The following ADK variants were observed in gnomAD, a reference collection of about 807,000 sequenced individuals.
ADK encodes adenosine kinase.
Under a neutral mutation model 44.7 loss-of-function variants are expected in ADK, and 24 were observed. That is an observed-to-expected ratio of 0.54 (90% CI 0.39 to 0.76). The LOEUF (loss-of-function observed/expected upper bound fraction) is 0.76. Ranked by LOEUF, ADK falls within the 30% of genes least tolerant of loss-of-function variation. The probability of loss-of-function intolerance (pLI) is 0.00; values close to 1 mark genes in which losing one functional copy is unlikely to be tolerated. For synonymous variants in ADK, 128 were observed against 142.6 expected (o/e 0.90, Z 0.73); for missense variants, 321 against 425.1 (o/e 0.76, Z 2.15).
At chr10:74,571,363 G>T (rs925855149) in intron 7 of ADK, among the ~76,000 whole-genome samples, 17 of 152,164 alleles carry the variant, frequency 1.1e-4, no homozygotes, top group African/African-American at 3.6e-4. Flanking sequence ...AGAAGGAATG[G>T]TACCAGCTCC....
At chr10:74,592,031 T>C (rs950751404) in intron 8 of ADK, among the ~76,000 whole-genome samples, 4 of 151,700 alleles carry the variant, frequency 2.6e-5, no homozygotes, top group African/African-American at 9.7e-5. Context: ...AAATTTTACT[T>C]TTGTAAAAAA....
At chr10:74,486,798 A>G (rs1046143017) in intron 6 of ADK, among the ~76,000 whole-genome samples, 28 of 152,202 alleles carry the variant, frequency 1.8e-4, no homozygotes, top group African/African-American at 6.8e-4. Flanking sequence ...AGAATTTGAC[A>G]TAACAAGTAT....
At chr10:74,371,618 C>CA in intron 4 of ADK, 5 of 1,024,486 alleles carry the variant, frequency 4.9e-6, no homozygotes, top group Non-Finnish European at 7.6e-6. Context: ...TAGGTGGTAC[C>CA]AATCTTGACT....
chr10:74,496,372 T>A (rs1312448547), intron 6 of ADK, among the ~76,000 whole-genome samples: 3 of 152,202 alleles, frequency 2.0e-5, no homozygotes, highest in Non-Finnish European at 2.9e-5. Flanking sequence ...GGTGGTTTCC[T>A]CCATGCTGTT....
rs376728806 is a variant in ADK at position 74,421,808 on chromosome 10, G to A, written c.555+23229G>A. ...ACATGAGCCAATGTGAAAGAACTCC[G>A]AGTGGCCGTAGCTGGAATAATTAGA... On this transcript the variant is annotated intron_variant, in intron 6 of 10. Coordinates refer to ENST00000539909, the MANE Select transcript of ADK (RefSeq NM_006721.4). 6.0e-4 allele frequency among the ~76,000 whole-genome samples: 91 copies of A among 152,272 alleles called. 1 individual carries two copies. The highest frequency in any genetic ancestry group is 5.7e-3 in the Admixed American group (88 of 15,306).
At chr10:74,671,134 G>A (rs1002828813) in intron 10 of ADK, among the ~76,000 whole-genome samples, 1 of 148,752 alleles carries the variant, frequency 6.7e-6, no homozygotes, top group African/African-American at 2.5e-5. Context: ...TTAAGTTTGT[G>A]TGATGGTTTT....
intron 3 of ADK, among the ~76,000 whole-genome samples, chr10:74,281,533 A>G (rs1056587782): frequency 1.3e-5 from 2 of 152,242 alleles, no homozygotes; most frequent in African/African-American, 4.8e-5. Flanking sequence ...TGACACAGGA[A>G]AAACAAGGAA....
chr10:74,412,925 G>A (rs1338385351), intron 6 of ADK, among the ~76,000 whole-genome samples: 2 of 152,100 alleles, frequency 1.3e-5, no homozygotes, highest in Non-Finnish European at 2.9e-5. Context: ...GGGCATGGTG[G>A]TGCACACCTG....
chr10:74,406,680 A>T (rs567913001), intron 6 of ADK, among the ~76,000 whole-genome samples: 1 of 150,358 alleles, frequency 6.7e-6, no homozygotes, highest in South Asian at 2.1e-4. Context: ...TTTCTTTTTT[A>T]TTTTTATTTT....
chr10:74,429,918 A>G (rs566126513), intron 6 of ADK, among the ~76,000 whole-genome samples: 5 of 152,336 alleles, frequency 3.3e-5, no homozygotes, highest in East Asian at 1.9e-4. Context: ...ATTATTAACA[A>G]TAGTAGCTAA....
chr10:74,206,097 C>T (rs1843586526), intron 2 of ADK, among the ~76,000 whole-genome samples: 1 of 152,096 alleles, frequency 6.6e-6, no homozygotes, highest in South Asian at 2.1e-4. Context: ...TCAACTAATT[C>T]ATGGTCACTA....
At chr10:74,598,347 A>T (rs1437992210) in intron 8 of ADK, among the ~76,000 whole-genome samples, 2 of 151,874 alleles carry the variant, frequency 1.3e-5, no homozygotes, top group African/African-American at 4.8e-5. Context: ...TTAATTTGAG[A>T]CATAAGAAAC....
intron 4 of ADK, among the ~76,000 whole-genome samples, chr10:74,335,193 T>A (rs2131857564): frequency 6.6e-6 from 1 of 152,326 alleles, no homozygotes; most frequent in Admixed American, 6.5e-5. Context: ...GCTGGCACTT[T>A]CTCCAATTTA....
chr10:74,605,570 A>C (rs1208355639), intron 9 of ADK, among the ~76,000 whole-genome samples: 3 of 152,326 alleles, frequency 2.0e-5, no homozygotes, highest in South Asian at 2.1e-4. Flanking sequence ...ATGTTGAACC[A>C]GCCTTGCATC....
At chr10:74,168,205 G>A (rs922126690) in intron 1 of ADK, among the ~76,000 whole-genome samples, 1 of 152,196 alleles carries the variant, frequency 6.6e-6, no homozygotes, top group Non-Finnish European at 1.5e-5. Context: ...TAGTAGAACA[G>A]ATGCTCGATA....
chr10:74,394,758 C>T (rs1843450662), intron 5 of ADK, among the ~76,000 whole-genome samples: 1 of 152,122 alleles, frequency 6.6e-6, no homozygotes, highest in Non-Finnish European at 1.5e-5. Context: ...ACATTACATT[C>T]AGGCTCGTAA....
intron 10 of ADK, among the ~76,000 whole-genome samples, chr10:74,671,591 A>G (rs955569541): frequency 6.6e-6 from 1 of 151,954 alleles, no homozygotes; most frequent in East Asian, 1.9e-4. Context: ...CAATTTTCCT[A>G]TTTTTTACTT....
chr10:74,617,284 A>C (rs1420647270), intron 9 of ADK, among the ~76,000 whole-genome samples: 2 of 152,174 alleles, frequency 1.3e-5, no homozygotes, highest in Non-Finnish European at 2.9e-5. Flanking sequence ...ATATTTTATC[A>C]AAAAGGATAA....
At chr10:74,177,947 T>TATATATATA (rs1564574369) in intron 1 of ADK, among the ~76,000 whole-genome samples, 10 of 60,352 alleles carry the variant, frequency 1.7e-4, no homozygotes, top group African/African-American at 5.9e-4. Context: ...ATATATATAT[T>TATATATATA]TTTTTTTTTT....
Sources: allele counts gnomAD v4.1 joint callset (sites outside exome capture counted in the v4.1 genomes callset), GRCh38; gene constraint gnomAD v4.1.1; transcripts MANE v1.5; gene names NCBI Gene and HGNC (gene_info 2026-07-23, HGNC 2026-07-21).